Variants in GRID2 observed in about 807,000 individuals in gnomAD.
GRID2 encodes the protein glutamate receptor ionotropic, delta-2.
In GRID2, 33 loss-of-function variants were observed where a neutral mutation model predicts 114.8. The ratio of observed to expected loss-of-function variants is 0.29; its 90% confidence interval spans 0.22 to 0.38. The LOEUF is 0.38. GRID2 is among the 10% of genes least tolerant of loss of function. The pLI is 1.00. For missense variants in GRID2, 1,184 were observed against 1,257.7 expected, an observed-to-expected ratio of 0.94 and a Z score of 0.89; for synonymous variants, 505 against 449.9, an observed-to-expected ratio of 1.12 and a Z score of -1.55.
chr4:93,559,782 A>G (rs1734703537), intron 13 of GRID2, among the ~76,000 whole-genome samples: 1 of 152,210 alleles, frequency 6.6e-6, no homozygotes, highest in African/African-American at 2.4e-5. Context: ...ATGCACAAGT[A>G]TGTTTATTGC....
intron 4 of GRID2, among the ~76,000 whole-genome samples, chr4:93,144,904 A>G (rs774128460): frequency 6.6e-6 from 1 of 152,182 alleles, no homozygotes; most frequent in Non-Finnish European, 1.5e-5. Flanking sequence ...ACAAAGTATC[A>G]GGGAACAGTG....
intron 6 of GRID2, among the ~76,000 whole-genome samples, chr4:93,218,029 A>C (rs1206310622): frequency 1.3e-5 from 2 of 151,936 alleles, no homozygotes; most frequent in Non-Finnish European, 2.9e-5. Context: ...TTGCAAAACT[A>C]ATCTGAAAAA....
rs1004279636 is a variant in GRID2, at chr4:93,012,830, T to G, written c.245-72165T>G. 2.0e-5 allele frequency among the ~76,000 whole-genome samples: 3 copies of G among 152,046 alleles called. No individual in the cohort carries two copies. The South Asian group carries it at 6.2e-4, about 31-fold the overall frequency. Reference sequence around the variant, plus strand: ...AACTTACTCTGCAGAAATGAGAAATTTATTATAGCTGAGCCAGATTATACA... The same window carrying G: ...AACTTACTCTGCAGAAATGAGAAATGTATTATAGCTGAGCCAGATTATACA... On this transcript the variant is annotated intron_variant, in intron 2 of 15. Coordinates refer to ENST00000282020, the MANE Select transcript of GRID2 (RefSeq NM_001510.4).
chr4:93,387,827 C>G (rs1459474007), intron 8 of GRID2, among the ~76,000 whole-genome samples: 2 of 119,018 alleles, frequency 1.7e-5, no homozygotes, highest in African/African-American at 4.0e-5. Context: ...AAGACTCTGT[C>G]TCAAAAAAAA....
intron 2 of GRID2, among the ~76,000 whole-genome samples, chr4:92,612,297 A>C (rs535564043): frequency 5.3e-5 from 8 of 151,468 alleles, no homozygotes; most frequent in Admixed American, 4.0e-4. Flanking sequence ...ATTTCAGAAT[A>C]CTCGTGTCTT....
intron 2 of GRID2, among the ~76,000 whole-genome samples, chr4:93,080,160 T>G (rs1332666907): frequency 6.6e-6 from 1 of 152,176 alleles, no homozygotes; most frequent in Non-Finnish European, 1.5e-5. Context: ...AAGCTGAAAT[T>G]GTTTTGTGTT....
intron 10 of GRID2, among the ~76,000 whole-genome samples, chr4:93,436,936 T>C (rs1400792854): frequency 6.6e-6 from 1 of 152,150 alleles, no homozygotes; most frequent in Non-Finnish European, 1.5e-5. Context: ...TTATGAAATA[T>C]GATTGATATA....
At chr4:92,389,660 G>A (rs1235741174) in intron 1 of GRID2, among the ~76,000 whole-genome samples, 3 of 152,022 alleles carry the variant, frequency 2.0e-5, no homozygotes, top group Non-Finnish European at 2.9e-5. Flanking sequence ...ATTTCAATAA[G>A]GCATTTACAA....
intron 4 of GRID2, among the ~76,000 whole-genome samples, chr4:93,133,014 T>C (rs1176265106): frequency 6.6e-6 from 1 of 152,218 alleles, no homozygotes; most frequent in African/African-American, 2.4e-5. Context: ...AGTTTTGCTG[T>C]TCATGTTTTG....
At chr4:92,993,299 A>C (rs540902712) in intron 2 of GRID2, among the ~76,000 whole-genome samples, 13 of 151,820 alleles carry the variant, frequency 8.6e-5, no homozygotes, top group South Asian at 8.3e-4. Flanking sequence ...ATTAAAAAAA[A>C]AAAACAAAAA....
At chr4:92,446,144 A>G (rs943381231) in intron 1 of GRID2, among the ~76,000 whole-genome samples, 1 of 152,034 alleles carries the variant, frequency 6.6e-6, no homozygotes, top group African/African-American at 2.4e-5. Context: ...ACGGGGTTTC[A>G]CTATGTTGGC....
At chr4:92,810,074 T>G (rs112608278) in intron 2 of GRID2, among the ~76,000 whole-genome samples, 1 of 152,026 alleles carries the variant, frequency 6.6e-6, no homozygotes, top group Non-Finnish European at 1.5e-5. Flanking sequence ...TTTCATCAGA[T>G]TTAATATGAC....
At chr4:92,668,455 T>C (rs1191096157) in intron 2 of GRID2, among the ~76,000 whole-genome samples, 2 of 151,768 alleles carry the variant, frequency 1.3e-5, no homozygotes, top group Non-Finnish European at 1.5e-5. Context: ...GTTCATAATA[T>C]AGACTCTAAG....
intron 14 of GRID2, among the ~76,000 whole-genome samples, chr4:93,634,070 C>T (rs1425017155): frequency 1.3e-5 from 2 of 152,024 alleles, no homozygotes; most frequent in African/African-American, 4.8e-5. Flanking sequence ...TAAACTAGCC[C>T]CAAGCTCTGA....
chr4:92,415,933 G>T (rs975456020), intron 1 of GRID2, among the ~76,000 whole-genome samples: 1 of 151,430 alleles, frequency 6.6e-6, no homozygotes, highest in Non-Finnish European at 1.5e-5. Flanking sequence ...TCGTGGGCTT[G>T]CTGGATCAAA....
intron 1 of GRID2, among the ~76,000 whole-genome samples, chr4:92,454,847 A>G (rs1357007717): frequency 6.6e-6 from 1 of 152,228 alleles, no homozygotes; most frequent in Non-Finnish European, 1.5e-5. Context: ...AAAGAAAAAA[A>G]GAAAAATCTG....
At chr4:93,323,225 A>G (rs1364669653) in intron 8 of GRID2, among the ~76,000 whole-genome samples, 1 of 152,182 alleles carries the variant, frequency 6.6e-6, no homozygotes, top group East Asian at 1.9e-4. Context: ...ATTATCGTAT[A>G]AGGTGTAAGG....
Position 92,602,786 on chromosome 4 carries a change from ATCT to A in GRID2, c.244+12504_244+12506del, listed in dbSNP as rs1394980719. The stretch of plus-strand genomic sequence containing the variant: ...ACTGTCTCTGTTTGTAGATGACATG[ATCT>A]TCTATCTAGAAAACCCCATCGTCTT... On this transcript the variant is annotated intron_variant, in intron 2 of 15. Coordinates refer to ENST00000282020, the MANE Select transcript of GRID2 (RefSeq NM_001510.4). Among the ~76,000 whole-genome samples, 3 of 152,218 alleles carry A rather than the reference ATCT, an allele frequency of 2.0e-5. No individual in the cohort carries two copies. The East Asian group carries it at 5.8e-4, about 29-fold the overall frequency.
chr4:92,527,610 ACTAT>A (rs1319460109), intron 1 of GRID2, among the ~76,000 whole-genome samples: 65 of 152,214 alleles, frequency 4.3e-4, no homozygotes, highest in Non-Finnish European at 3.1e-4. Context: ...AACATTTATG[ACTAT>A]CTATTCTATA....
Sources: gnomAD v4.1 joint callset for allele counts (sites outside exome capture counted in the v4.1 genomes callset) on GRCh38, gnomAD v4.1.1 for gene constraint, MANE v1.5 for transcripts, NCBI Gene and HGNC (gene_info 2026-07-23, HGNC 2026-07-21) for gene names.